Variants in PHLDB2 observed in about 807,000 individuals in gnomAD.
PHLDB2 encodes the protein pleckstrin homology like domain family B member 2, also known as pleckstrin homology-like domain family B member 2.
PHLDB2 carries 71 observed loss-of-function variants against 123.6 expected under a neutral mutation model. That is an observed-to-expected ratio of 0.57 (90% CI 0.47 to 0.70). The LOEUF (loss-of-function observed/expected upper bound fraction) is 0.70, where lower values mean the gene tolerates loss of function less well. Ranked by LOEUF, PHLDB2 falls within the 30% of genes least tolerant of loss-of-function variation. The pLI is 0.00. For synonymous variants in PHLDB2, 547 were observed against 541.6 expected (o/e 1.01, Z -0.14); for missense variants, 1,446 against 1,519.5 (o/e 0.95, Z 0.80).
At chr3:111,765,017 C>T (rs1463848687) in intron 1 of PHLDB2, among the ~76,000 whole-genome samples, 1 of 152,232 alleles carries the variant, frequency 6.6e-6, no homozygotes, top group Non-Finnish European at 1.5e-5. Flanking sequence ...GGTCCACCCT[C>T]TCCAGTGCCC....
chr3:111,949,860 C>A, intron 10 of PHLDB2: 2 of 986,006 alleles, frequency 2.0e-6, no homozygotes, highest in Non-Finnish European at 2.4e-6. Context: ...CTAAGAAACA[C>A]AGAAGGCAGC....
chr3:111,834,223 T>C (rs2063265361), intron 1 of PHLDB2, among the ~76,000 whole-genome samples: 3 of 94,106 alleles, frequency 3.2e-5, no homozygotes, highest in Non-Finnish European at 5.7e-5. Flanking sequence ...TAGAATTATA[T>C]ATATATTATG....
chr3:111,887,594 G>C (rs1193303417), intron 2 of PHLDB2, among the ~76,000 whole-genome samples: 1 of 152,170 alleles, frequency 6.6e-6, no homozygotes, highest in Non-Finnish European at 1.5e-5. Context: ...AGATAGAGCA[G>C]TATGAATGCC....
chr3:111,854,734 G>A (rs2064405372), upstream of PHLDB2, among the ~76,000 whole-genome samples: 1 of 152,184 alleles, frequency 6.6e-6, no homozygotes, highest in African/African-American at 2.4e-5. Flanking sequence ...GACCACAGAA[G>A]CTGAAAAGCC....
At chr3:111,805,711 G>A (rs1283029865) in intron 1 of PHLDB2, among the ~76,000 whole-genome samples, 1 of 149,562 alleles carries the variant, frequency 6.7e-6, no homozygotes, top group Non-Finnish European at 1.5e-5. Context: ...CTAATCTATA[G>A]TGACAGAAAG....
chr3:111,774,389 T>C (rs2060230565), intron 1 of PHLDB2, among the ~76,000 whole-genome samples: 1 of 152,172 alleles, frequency 6.6e-6, no homozygotes, highest in Non-Finnish European at 1.5e-5. Context: ...TTGATCAAAG[T>C]CCTGGTGCTA....
chr3:111,969,950 G>C (rs149912803), intron 16 of PHLDB2, 41 bp downstream of exon 16: 2 of 1,585,990 alleles, frequency 1.3e-6, no homozygotes, highest in South Asian at 2.2e-5. Flanking sequence ...CTCAAATCAA[G>C]AACCCCCTGT....
chr3:111,780,345 A>G (rs1301649586), intron 1 of PHLDB2, among the ~76,000 whole-genome samples: 1,498 of 18,674 alleles, frequency 0.08, 114 homozygotes, highest in Non-Finnish European at 0.23. Context: ...AAGAAGAAGA[A>G]GAAGAAGAAG....
At chr3:111,758,486 G>A (rs963881547) in intron 1 of PHLDB2, among the ~76,000 whole-genome samples, 8 of 152,148 alleles carry the variant, frequency 5.3e-5, no homozygotes, top group East Asian at 1.9e-4. Context: ...GGAGTGACCC[G>A]ATTTTCCAGG....
At chr3:111,941,858 G>A (rs922521972) in intron 8 of PHLDB2, among the ~76,000 whole-genome samples, 1 of 147,806 alleles carries the variant, frequency 6.8e-6, no homozygotes, top group Non-Finnish European at 1.5e-5. Flanking sequence ...AGAGGAAATA[G>A]ATCCTTCACA....
chr3:111,763,007 G>A (rs1188907847), intron 1 of PHLDB2, among the ~76,000 whole-genome samples: 1 of 152,162 alleles, frequency 6.6e-6, no homozygotes, highest in Non-Finnish European at 1.5e-5. Flanking sequence ...AGCTCTGAGA[G>A]CCCACCCTCT....
intron 2 of PHLDB2, among the ~76,000 whole-genome samples, chr3:111,846,841 C>T (rs1343830099): frequency 2.0e-5 from 3 of 151,986 alleles, no homozygotes; most frequent in East Asian, 1.9e-4. Flanking sequence ...GTGTTTATCT[C>T]GAGCAGACAT....
chr3:111,830,536 G>T (rs2062899729), intron 1 of PHLDB2, among the ~76,000 whole-genome samples: 1 of 149,548 alleles, frequency 6.7e-6, no homozygotes, highest in African/African-American at 2.5e-5. Context: ...AGGGCCGGGC[G>T]CGGTGGCTCA....
chr3:111,911,783 T>C, intron 2 of PHLDB2: 1 of 1,434,734 alleles, frequency 7.0e-7, no homozygotes, highest in Non-Finnish European at 9.5e-7. Context: ...GCTCTTTTGT[T>C]TTTTTTGTTG....
intron 1 of PHLDB2, among the ~76,000 whole-genome samples, chr3:111,774,886 A>G (rs2060240290): frequency 6.6e-6 from 1 of 152,130 alleles, no homozygotes; most frequent in African/African-American, 2.4e-5. Context: ...AACCCAAGAC[A>G]ATGTCGGGGA....
chr3:111,896,654 G>A (rs1039795788), intron 2 of PHLDB2, among the ~76,000 whole-genome samples: 12 of 151,776 alleles, frequency 7.9e-5, no homozygotes, highest in Admixed American at 1.3e-4. Context: ...TCCAGGCTGC[G>A]CTGGCTAATT....
chr3:111,939,476 A>T lies in PHLDB2; in HGVS notation c.2132A>T (p.Asp711Val), dbSNP rs2069727420. 2 of 1,609,132 alleles carry T rather than the reference A, an allele frequency of 1.2e-6. No homozygotes were observed. The highest frequency in any genetic ancestry group is 1.1e-5 in the South Asian group (1 of 89,958). ...GTTTTCATTCACTTTTCTCCAAAGG[A>T]TGCTGACCTGTTGGATGTTGAAAGC... Reference protein sequence around the residue: ...REQLQQQLKRDADLLDVESKH... With the variant: ...REQLQQQLKRVADLLDVESKH... Residue 711 changes from aspartate (D) to valine (V), a missense_variant and splice_region_variant, in exon 7 of 18, where the codon GAT becomes GTT. Physicochemically the swap from Asp to Val is radical, Grantham distance 152. Around this residue, in one of 3 missense-constraint regions of PHLDB2, gnomAD observed 20 missense variants for 41.6 expected, o/e 0.48. Coordinates refer to ENST00000431670, the MANE Select transcript of PHLDB2 (RefSeq NM_001134438.2).
chr3:111,819,277 A>G (rs1473430389), intron 1 of PHLDB2, among the ~76,000 whole-genome samples: 1 of 152,080 alleles, frequency 6.6e-6, no homozygotes, highest in East Asian at 1.9e-4. Flanking sequence ...GTGGGGCAAA[A>G]TTCAGTCCAT....
intron 1 of PHLDB2, among the ~76,000 whole-genome samples, chr3:111,743,661 A>G (rs925521761): frequency 1.3e-5 from 2 of 152,186 alleles, no homozygotes; most frequent in African/African-American, 4.8e-5. Context: ...CCAACTCTCC[A>G]ATACTACACA....
Sources: gnomAD v4.1 joint callset for allele counts (sites outside exome capture counted in the v4.1 genomes callset) on GRCh38, gnomAD v4.1.1 for gene constraint, gnomAD v4.1.1 regional missense constraint, MANE v1.5 for transcripts, NCBI Gene and HGNC (gene_info 2026-07-23, HGNC 2026-07-21) for gene names.